Variants in UNC5D observed in about 807,000 individuals in gnomAD.
The protein encoded by UNC5D is netrin receptor UNC5D.
In UNC5D, 39 loss-of-function variants were observed where a neutral mutation model predicts 105.4. The ratio of observed to expected loss-of-function variants is 0.37; its 90% CI spans 0.29 to 0.48. UNC5D has a LOEUF of 0.48. UNC5D is among the 20% of genes least tolerant of loss of function. The pLI is 0.98. For missense variants in UNC5D, 991 were observed against 1,202.4 expected (o/e 0.82, Z 2.60); for synonymous variants, 452 against 450.4 (o/e 1.00, Z -0.04).
At chr8:35,528,046 T>C (rs1486896034) in intron 1 of UNC5D, among the ~76,000 whole-genome samples, 5 of 151,114 alleles carry the variant, frequency 3.3e-5, no homozygotes, top group Non-Finnish European at 7.4e-5. Context: ...CTGGTTTTTT[T>C]TTTTTTTTTT....
chr8:35,679,429 C>A (rs1474131646), intron 4 of UNC5D, among the ~76,000 whole-genome samples: 1 of 152,046 alleles, frequency 6.6e-6, no homozygotes, highest in Non-Finnish European at 1.5e-5. Context: ...TGGGAAAGTT[C>A]TTCAGGGCAG....
At chr8:35,651,751 G>A (rs1823417922) in intron 4 of UNC5D, among the ~76,000 whole-genome samples, 1 of 151,956 alleles carries the variant, frequency 6.6e-6, no homozygotes. Flanking sequence ...TTTTGTATAG[G>A]TGAAACTACA....
chr8:35,575,891 T>A lies in UNC5D; in HGVS notation c.466+7650T>A, dbSNP rs1266234727. On this transcript the variant is annotated intron_variant, in intron 3 of 16. Coordinates refer to ENST00000404895, the MANE Select transcript of UNC5D (RefSeq NM_080872.4). ...GCATCTAGCCCGGTAAAAAAAAAAA[T>A]GAGTGTTGAAATACAGCTCCTCTCA... 2.0e-5 allele frequency among the ~76,000 whole-genome samples: 3 copies of A among 151,034 alleles called. No individual in the cohort carries two copies. In the South Asian group the frequency reaches 6.3e-4, roughly 32 times the overall value.
intron 3 of UNC5D, among the ~76,000 whole-genome samples, chr8:35,588,357 A>T (rs991589276): frequency 1.3e-5 from 2 of 152,074 alleles, no homozygotes; most frequent in Non-Finnish European, 1.5e-5. Context: ...AAGGAAAGAG[A>T]TATGGTGGTT....
intron 4 of UNC5D, among the ~76,000 whole-genome samples, chr8:35,609,032 T>C (rs1005327796): frequency 6.6e-6 from 1 of 152,202 alleles, no homozygotes; most frequent in Non-Finnish European, 1.5e-5. Flanking sequence ...CAACACTGTA[T>C]AAAAGTTGCC....
intron 1 of UNC5D, among the ~76,000 whole-genome samples, chr8:35,399,664 A>G (rs1447636600): frequency 6.6e-6 from 1 of 152,190 alleles, no homozygotes; most frequent in Non-Finnish European, 1.5e-5. Flanking sequence ...AATTGGAATC[A>G]AGTTTGCTTT....
chr8:35,431,817 T>C (rs2128975820), intron 1 of UNC5D, among the ~76,000 whole-genome samples: 1 of 152,246 alleles, frequency 6.6e-6, no homozygotes, highest in East Asian at 1.9e-4. Flanking sequence ...CCAAACCTAA[T>C]ACAGTGTAAT....
chr8:35,359,121 G>C (rs753025660), intron 1 of UNC5D, among the ~76,000 whole-genome samples: 3 of 152,294 alleles, frequency 2.0e-5, no homozygotes, highest in African/African-American at 7.2e-5. Flanking sequence ...ACTGCACTCT[G>C]TCTGGATGGC....
Position 35,340,549 on chromosome 8 carries a change from T to C in UNC5D, c.103+104662T>C, listed in dbSNP as rs964850093. 2.6e-5 allele frequency among the ~76,000 whole-genome samples: 4 copies of C among 152,206 alleles called. No homozygotes were observed. In the East Asian group the frequency reaches 5.8e-4, roughly 22 times the overall value. On this transcript the variant is annotated intron_variant, in intron 1 of 16. Transcript: ENST00000404895. ...CTCTGGTTAAAGGGAAGGTTTGGAATCTTCCATTTGCAACTTACAGAAAAA... is the reference window on the plus strand; with the variant it reads ...CTCTGGTTAAAGGGAAGGTTTGGAACCTTCCATTTGCAACTTACAGAAAAA...
intron 1 of UNC5D, among the ~76,000 whole-genome samples, chr8:35,476,373 G>A (rs1295078226): frequency 6.6e-6 from 1 of 152,140 alleles, no homozygotes; most frequent in Admixed American, 6.5e-5. Flanking sequence ...CATTCATCTA[G>A]CTATAAAGAT....
chr8:35,411,184 T>C (rs1183617007), intron 1 of UNC5D, among the ~76,000 whole-genome samples: 1 of 152,078 alleles, frequency 6.6e-6, no homozygotes, highest in African/African-American at 2.4e-5. Flanking sequence ...CATGGCTCCA[T>C]GAGCACCATG....
At chr8:35,322,902 C>T (rs1007181160) in intron 1 of UNC5D, among the ~76,000 whole-genome samples, 4 of 152,110 alleles carry the variant, frequency 2.6e-5, no homozygotes, top group Non-Finnish European at 5.9e-5. Flanking sequence ...TTTTTTGCCA[C>T]ATAATATCTA....
intron 4 of UNC5D, among the ~76,000 whole-genome samples, chr8:35,633,258 C>T (rs1297047068): frequency 6.6e-6 from 1 of 152,204 alleles, no homozygotes; most frequent in Non-Finnish European, 1.5e-5. Context: ...CATATCTCTA[C>T]ATGCTTGTTC....
At chr8:35,444,546 C>CAGAGAAA (rs1807650379) in intron 1 of UNC5D, among the ~76,000 whole-genome samples, 1 of 151,382 alleles carries the variant, frequency 6.6e-6, no homozygotes, top group Non-Finnish European at 1.5e-5. Flanking sequence ...CACACACTTT[C>CAGAGAAA]TCTCTCTCTC....
intron 1 of UNC5D, among the ~76,000 whole-genome samples, chr8:35,321,384 C>A (rs1405017073): frequency 6.6e-6 from 1 of 152,108 alleles, no homozygotes; most frequent in Non-Finnish European, 1.5e-5. Context: ...AGGCTGGTTT[C>A]CCCACTGCTG....
intron 1 of UNC5D, among the ~76,000 whole-genome samples, chr8:35,547,197 T>G (rs1815752236): frequency 6.6e-6 from 1 of 152,178 alleles, no homozygotes. Context: ...ATTTTCTTCC[T>G]TATACAAAAT....
At chr8:35,317,512 A>G (rs755885286) in intron 1 of UNC5D, among the ~76,000 whole-genome samples, 4 of 152,136 alleles carry the variant, frequency 2.6e-5, no homozygotes, top group Admixed American at 2.6e-4. Context: ...GGATGTGCTC[A>G]ACTAAGGATG....
chr8:35,307,122 A>G (rs202120745), intron 1 of UNC5D, among the ~76,000 whole-genome samples: 1 of 2,234 alleles, frequency 4.5e-4, no homozygotes, highest in Non-Finnish European at 1.4e-3. Flanking sequence ...GCTAAAAAAG[A>G]AAAAAAAAAT....
chr8:35,553,677 C>A (rs576322670), intron 2 of UNC5D, among the ~76,000 whole-genome samples: 4 of 152,088 alleles, frequency 2.6e-5, no homozygotes, highest in South Asian at 4.1e-4. Context: ...ATTGTGGAAA[C>A]AAGAACAAGA....
Sources: gnomAD v4.1 joint callset for allele counts (sites outside exome capture counted in the v4.1 genomes callset) on GRCh38, gnomAD v4.1.1 for gene constraint, MANE v1.5 for transcripts, NCBI Gene and HGNC (gene_info 2026-07-23, HGNC 2026-07-21) for gene names.